HSBP1: variants seen among roughly 807,000 people sequenced by gnomAD.
HSBP1 encodes the protein heat shock factor binding protein 1.
Under a neutral mutation model 9.6 loss-of-function variants are expected in HSBP1, and 5 were observed. The observed-to-expected ratio is 0.52, with a 90% CI of 0.27 to 1.09. The LOEUF (loss-of-function observed/expected upper bound fraction) is 1.09. Among genes scored for constraint, HSBP1 ranks in the 50% least tolerant of loss-of-function variants. HSBP1 has a pLI of 0.11. For missense variants in HSBP1, 121 were observed against 96.3 expected (o/e 1.26, Z -1.07); for synonymous variants, 42 against 33.3 (o/e 1.26, Z -0.90).
intron 1 of HSBP1, 184 bp downstream of exon 1, chr16:83,808,305 C>T (rs1009303957): frequency 1.7e-6 from 1 of 583,042 alleles, no homozygotes; most frequent in Non-Finnish European, 3.0e-6. Flanking sequence ...GCGGGCCAGT[C>T]TCCCCGCGGG....
At chr16:83,808,849 C>A in intron 2 of HSBP1, 103 bp downstream of exon 2, 2 of 826,992 alleles carry the variant, frequency 2.4e-6, no homozygotes, top group South Asian at 3.2e-5. Flanking sequence ...TTCAGCCATT[C>A]ACTTGTAGAA....
intron 3 of HSBP1, among the ~76,000 whole-genome samples, chr16:83,811,153 A>G (rs1001932175): frequency 1.3e-5 from 2 of 152,232 alleles, no homozygotes; most frequent in Admixed American, 6.5e-5. Context: ...ACTGCCATCA[A>G]CTGACTGATT....
rs377071121 is a variant in HSBP1 at position 83,812,712 on chromosome 16, C to G, written c.*1294C>G. Reference sequence around the variant, plus strand: ...TGAATTCACCACTCTGGTTACCCAACTACAGAACCTCCTTTGATCAGGCCA... The same window carrying G: ...TGAATTCACCACTCTGGTTACCCAAGTACAGAACCTCCTTTGATCAGGCCA... On this transcript the variant is annotated 3_prime_UTR_variant, in exon 4 of 4. Coordinates refer to ENST00000433866, the MANE Select transcript of HSBP1 (RefSeq NM_001537.4). 6.6e-6 allele frequency: 1 copy of G among 152,182 alleles called. No individual in the cohort carries two copies. Among genetic ancestry groups the G allele is most frequent in the African/African-American group, 2.4e-5 (1 of 41,404 alleles). 9.4% of individuals were successfully genotyped at this position (152,182 alleles called of 1,614,324 possible). A position where few individuals can be genotyped will look rare whatever the true frequency, so the allele number is the denominator to read the frequency against.
rs1343443192 is a variant in HSBP1, at chr16:83,819,277, C to T, written c.*7859C>T. On this transcript the variant is annotated 3_prime_UTR_variant, in exon 4 of 4. Transcript: ENST00000433866. ...GATTCATATTTTTAATAAATTCCCT[C>T]ATTTATTATTTTTGTGTCTTATTTC... The T allele has an allele frequency of 1.3e-5, 2 of 152,118 alleles. No homozygotes were observed. The highest frequency in any genetic ancestry group is 4.8e-5 in the African/African-American group (2 of 41,414). The allele number at this position is 152,118 out of a possible 1,614,324, so 9.4% of individuals were successfully genotyped here.
rs1005649269 is a variant in HSBP1 at position 83,812,642 on chromosome 16, A to T, written c.*1224A>T. ...TAAGAAATAATTTGTGCTGTATACA[A>T]ATTACATGGGGAACATAAAGGAGTG... On this transcript the variant is annotated 3_prime_UTR_variant, in exon 4 of 4. Transcript: ENST00000433866. 2 of 152,330 alleles carry T rather than the reference A, an allele frequency of 1.3e-5. No individual in the cohort carries two copies. The highest frequency in any genetic ancestry group is 1.3e-4 in the Admixed American group (2 of 15,294). 9.4% of individuals were successfully genotyped at this position (152,330 alleles called of 1,614,324 possible). A position where few individuals can be genotyped will look rare whatever the true frequency, so the allele number is the denominator to read the frequency against.
Position 83,814,258 on chromosome 16 carries a change from A to G in HSBP1, c.*2840A>G, listed in dbSNP as rs968911112. On this transcript the variant is annotated 3_prime_UTR_variant, in exon 4 of 4. Transcript: ENST00000433866. ...GCGCCATTGAAAGCATTGACTGTAA[A>G]CCGCTGTACTGTGCTAAGCCTTTTG... The G allele has an allele frequency of 6.6e-6, 1 of 152,214 alleles. No homozygotes were observed. The highest frequency in any genetic ancestry group is 2.4e-5 in the African/African-American group (1 of 41,462). 9.4% of individuals were successfully genotyped at this position (152,214 alleles called of 1,614,324 possible).
chr16:83,811,471 A>G lies in HSBP1; in HGVS notation c.*53A>G, dbSNP rs1904599763. 6.6e-6 allele frequency: 1 copy of G among 152,230 alleles called. No individual in the cohort carries two copies. The highest frequency in any genetic ancestry group is 2.4e-5 in the African/African-American group (1 of 41,464). The allele number at this position is 152,230 out of a possible 1,614,324, so 9.4% of individuals were successfully genotyped here. On this transcript the variant is annotated 3_prime_UTR_variant, in exon 4 of 4. Coordinates refer to ENST00000433866, the MANE Select transcript of HSBP1 (RefSeq NM_001537.4). Reference sequence around the variant, plus strand: ...TGGCATTTTTCCAAGCCAAGAGAAGATCGAATGGCTTTTTGCAGCTAACTA... The same window carrying G: ...TGGCATTTTTCCAAGCCAAGAGAAGGTCGAATGGCTTTTTGCAGCTAACTA...
At position 83,813,863 on chromosome 16, in the gene HSBP1, T is replaced by C. The variant is rs1387787948; in HGVS notation, c.*2445T>C. The C allele has an allele frequency of 6.7e-6, 1 of 149,088 alleles. No individual in the cohort carries two copies. The highest frequency in any genetic ancestry group is 2.4e-5 in the African/African-American group (1 of 41,304). 9.2% of individuals were successfully genotyped at this position (149,088 alleles called of 1,614,324 possible). A position where few individuals can be genotyped will look rare whatever the true frequency, so the allele number is the denominator to read the frequency against. ...CACAGGATTTTAAAATATTTCAATC[T>C]TATTTTCATATCAATTTTTTCTTTG... is the stretch of plus-strand genomic sequence containing the variant. On this transcript the variant is annotated 3_prime_UTR_variant, in exon 4 of 4. Coordinates refer to ENST00000433866, the MANE Select transcript of HSBP1 (RefSeq NM_001537.4).
In HSBP1 at chr16:83,816,083, A is replaced by T. The variant is rs1437016371; in HGVS notation, c.*4665A>T. The T allele has an allele frequency of 1.3e-5, 2 of 152,192 alleles. No individual in the cohort carries two copies. The allele number at this position is 152,192 out of a possible 1,614,324, so 9.4% of individuals were successfully genotyped here. On this transcript the variant is annotated 3_prime_UTR_variant, in exon 4 of 4. Coordinates refer to ENST00000433866, the MANE Select transcript of HSBP1 (RefSeq NM_001537.4). ...GGGAGGGCAGCTCTGGGGCGAGTAA[A>T]TTCTGCACCTCAGTAAAACTAAGAG...
chr16:83,810,061 G>C (rs1597254727), intron 3 of HSBP1, among the ~76,000 whole-genome samples: 1 of 148,996 alleles, frequency 6.7e-6, no homozygotes, highest in African/African-American at 2.5e-5. Flanking sequence ...GTGTCTTTTT[G>C]TTGGCCTATA....
rs753235943 is a variant in HSBP1, at chr16:83,808,760, C to T, written c.112+14C>T. ...TCATTGGGAGAAATATCCTTTTTAT[C>T]TGCAGTCGGCCTCCTGTGGGCCTTT... On this transcript the variant is annotated intron_variant, in intron 2 of 3. Coordinates refer to ENST00000433866, the MANE Select transcript of HSBP1 (RefSeq NM_001537.4). 7.5e-6 allele frequency: 12 copies of T among 1,599,938 alleles called. No individual in the cohort carries two copies. The highest frequency in any genetic ancestry group is 1.1e-5 in the South Asian group (1 of 90,026).
At position 83,809,419 on chromosome 16, in the gene HSBP1, G is replaced by A. The variant is rs1904545178; in HGVS notation, c.227G>A (p.Ser76Asn). Residue 76 changes from serine to asparagine, a missense_variant, in exon 3 of 4, where the codon AGT (serine) becomes AAT (asparagine). Transcript: ENST00000433866. Reference protein sequence around the residue: ...SENKIPATQKS With the variant: ...SENKIPATQKN ...AACAAGATACCTGCCACGCAAAAGA[G>A]TTGAAGGTGAGGAAGGGGGCAATTT... The A allele has an allele frequency of 7.1e-7, 1 of 1,415,528 alleles. No individual in the cohort carries two copies. Among genetic ancestry groups the A allele is most frequent in the East Asian group, 2.4e-5 (1 of 40,840 alleles). 87.7% of individuals were successfully genotyped at this position (1,415,528 alleles called of 1,614,324 possible).
rs36103664 is a variant in HSBP1, at chr16:83,815,024, GTTT to G, written c.*3614_*3616del. The G allele has an allele frequency of 6.6e-6, 1 of 150,614 alleles. No individual in the cohort carries two copies. Among genetic ancestry groups the G allele is most frequent in the Admixed American group, 6.6e-5 (1 of 15,068 alleles). The allele number at this position is 150,614 out of a possible 1,614,324, so 9.3% of individuals were successfully genotyped here. ...ATTTCACTGTTTTTTGTTTTGTGGT[GTTT>G]TTTTTTTATTGCAACGAAGACTTTT... On this transcript the variant is annotated 3_prime_UTR_variant, in exon 4 of 4. Transcript: ENST00000433866.
rs1357480828 is a variant in HSBP1, at chr16:83,818,617, A to T, written c.*7199A>T. The stretch of plus-strand genomic sequence containing the variant: ...TTGCTTTTATGCTGTATTAAACACC[A>T]CTGAGATGTTAAGGTCTTTCTTGGG... On this transcript the variant is annotated 3_prime_UTR_variant, in exon 4 of 4. Transcript: ENST00000433866. The T allele has an allele frequency of 6.6e-6, 1 of 152,146 alleles. No individual in the cohort carries two copies. Among genetic ancestry groups the T allele is most frequent in the Admixed American group, 6.5e-5 (1 of 15,272 alleles). 9.4% of individuals were successfully genotyped at this position (152,146 alleles called of 1,614,324 possible).
rs1904667551 is a variant in HSBP1 at position 83,814,210 on chromosome 16, C to G, written c.*2792C>G. 1 of 152,244 alleles carries G rather than the reference C, an allele frequency of 6.6e-6. No individual in the cohort carries two copies. The highest frequency in any genetic ancestry group is 2.1e-4 in the South Asian group (1 of 4,834). The allele number at this position is 152,244 out of a possible 1,614,324, so 9.4% of individuals were successfully genotyped here. A position where few individuals can be genotyped will look rare whatever the true frequency, so the allele number is the denominator to read the frequency against. ...TCTAGCCCTGAAAGTTAACTGGTTACAGTTACCAAATGTTCACAGCTAGCG... is the reference window on the plus strand; with the variant it reads ...TCTAGCCCTGAAAGTTAACTGGTTAGAGTTACCAAATGTTCACAGCTAGCG... On this transcript the variant is annotated 3_prime_UTR_variant, in exon 4 of 4. Transcript: ENST00000433866.
rs1172109551 is a variant in HSBP1 at position 83,809,329 on chromosome 16, A to G, written c.137A>G (p.Asp46Gly). 3 of 1,599,412 alleles carry G rather than the reference A, an allele frequency of 1.9e-6. No individual in the cohort carries two copies. In the Admixed American group the frequency reaches 5.1e-5, roughly 27 times the overall value. Residue 46 changes from aspartate to glycine, a missense_variant, in exon 3 of 4, where the codon GAT becomes GGT. Physicochemically the swap from Asp to Gly is moderately conservative, Grantham distance 94. Transcript: ENST00000433866. ...GRIDDMSSRIDDLEKNIADLM... is the reference protein window; with the variant it reads ...GRIDDMSSRIGDLEKNIADLM... The stretch of plus-strand genomic sequence containing the variant: ...CTTGATGATATGAGTAGTCGCATTG[A>G]TGATCTGGAAAAGAATATCGCGGAC...
At chr16:83,810,521 CAAA>C (rs751338141) in intron 3 of HSBP1, among the ~76,000 whole-genome samples, 1 of 51,606 alleles carries the variant, frequency 1.9e-5, no homozygotes, top group South Asian at 1.2e-3. Context: ...GACTCTGTCT[CAAA>C]AAAAAAAAAA....
In HSBP1 at chr16:83,808,895, C is replaced by G. The variant is rs1004691828; in HGVS notation, c.112+149C>G. On this transcript the variant is annotated intron_variant, in intron 2 of 3. Coordinates refer to ENST00000433866, the MANE Select transcript of HSBP1 (RefSeq NM_001537.4). ...GATTGTACTGTGTTTCTGAGAAGGACTGCGCCGAGAGCTAGGGGCAAAGCT... is the reference window on the plus strand; with the variant it reads ...GATTGTACTGTGTTTCTGAGAAGGAGTGCGCCGAGAGCTAGGGGCAAAGCT... The G allele has an allele frequency of 4.6e-6, 3 of 657,248 alleles. No individual in the cohort carries two copies. In the Admixed American group the frequency reaches 8.2e-5, roughly 18 times the overall value. The allele number at this position is 657,248 out of a possible 1,614,324, so 40.7% of individuals were successfully genotyped here.
intron 1 of HSBP1, 156 bp downstream of exon 1, chr16:83,808,277 AC>A: frequency 3.1e-6 from 2 of 654,834 alleles, no homozygotes; most frequent in East Asian, 3.3e-5. Flanking sequence ...GGCCACCTTG[AC>A]CCCCGGGGCG....
Sources: gnomAD v4.1 joint callset for allele counts (sites outside exome capture counted in the v4.1 genomes callset) on GRCh38, gnomAD v4.1.1 for gene constraint, MANE v1.5 for transcripts, NCBI Gene and HGNC (gene_info 2026-07-23, HGNC 2026-07-21) for gene names.